The following C1QTNF6 variants were observed in gnomAD, a reference collection of about 807,000 sequenced individuals.
C1QTNF6 encodes C1q and TNF related 6.
In C1QTNF6, 17 loss-of-function variants were observed where a neutral mutation model predicts 20.7. The ratio of observed to expected loss-of-function variants is 0.82; its 90% CI spans 0.56 to 1.23. C1QTNF6 has a LOEUF of 1.23. Among genes scored for constraint, C1QTNF6 ranks in the 50% most tolerant of loss-of-function variants. C1QTNF6 has a pLI of 0.00. For missense variants in C1QTNF6, 329 were observed against 389.7 expected, an observed-to-expected ratio of 0.84 and a Z score of 1.31; for synonymous variants, 130 against 156.3, an observed-to-expected ratio of 0.83 and a Z score of 1.25.
Position 37,182,251 on chromosome 22 carries a change from G to A in C1QTNF6, c.774C>T (p.Tyr258=), listed in dbSNP as rs191566682. 8.1e-6 allele frequency: 13 copies of A among 1,614,192 alleles called. No individual in the cohort carries two copies. The African/African-American group carries it at 1.5e-4, about 18-fold the overall frequency. ...LFKRQRENAI[Y]SNDFDTYITF... ...TGATGTAGGTGTCGAAGTCGTTGCTGTAGATGGCGTTCTCGCGCTGGCGCT... is the reference window on the plus strand; with the variant it reads ...TGATGTAGGTGTCGAAGTCGTTGCTATAGATGGCGTTCTCGCGCTGGCGCT... Residue 258 remains tyrosine, a synonymous_variant, in exon 3 of 3, where the codon TAC becomes TAT. Transcript: ENST00000337843.
upstream of C1QTNF6, among the ~76,000 whole-genome samples, chr22:37,192,446 C>T (rs539611984): frequency 5.4e-5 from 8 of 148,156 alleles, no homozygotes; most frequent in African/African-American, 1.5e-4. Flanking sequence ...ATGGCTAACT[C>T]GACAAGTCCC....
chr22:37,182,564 A>C lies in C1QTNF6; in HGVS notation c.461T>G (p.Leu154Arg). 2 of 1,614,166 alleles carry C rather than the reference A, an allele frequency of 1.2e-6. No individual in the cohort carries two copies. The highest frequency in any genetic ancestry group is 1.7e-6 in the Non-Finnish European group (2 of 1,180,042). Residue 154 changes from leucine to arginine, a missense_variant, in exon 3 of 3, where the codon CTG becomes CGG. Transcript: ENST00000337843. ...CGTCTGGAAGTCCTCGCCGCTGTGC[A>C]GGGCCGTCTTGCGGCCCACTGAGAA... ...FAFSVGRKTA[L>R]HSGEDFQTLL...
Position 37,180,961 on chromosome 22 carries a change from C to T in C1QTNF6, c.*1227G>A, listed in dbSNP as rs1923713114. ...CTCCTGGGTCCTCTCCTCACAGAACCCTTGACCTGGCCAAGGCCCCCTGGG... is the reference window on the plus strand; with the variant it reads ...CTCCTGGGTCCTCTCCTCACAGAACTCTTGACCTGGCCAAGGCCCCCTGGG... On this transcript the variant is annotated 3_prime_UTR_variant, in exon 3 of 3. Coordinates refer to ENST00000337843, the MANE Select transcript of C1QTNF6 (RefSeq NM_031910.4). 6.6e-6 allele frequency: 1 copy of T among 152,476 alleles called. No individual in the cohort carries two copies. The highest frequency in any genetic ancestry group is 2.4e-5 in the African/African-American group (1 of 41,462). The allele number at this position is 152,476 out of a possible 1,614,324, so 9.4% of individuals were successfully genotyped here.
intron 1 of C1QTNF6, chr22:37,196,832 T>A (rs1925165815): frequency 1.3e-5 from 2 of 152,208 alleles, no homozygotes; most frequent in South Asian, 4.1e-4. Flanking sequence ...CTGGGCCAAG[T>A]GTGGAGGATG....
At chr22:37,183,578 C>T (rs1442021812) in intron 2 of C1QTNF6, among the ~76,000 whole-genome samples, 1 of 152,272 alleles carries the variant, frequency 6.6e-6, no homozygotes, top group Non-Finnish European at 1.5e-5. Context: ...CCACCTGTCA[C>T]AGTGCCTGGA....
chr22:37,195,167 C>T (rs970377548), intron 2 of C1QTNF6, among the ~76,000 whole-genome samples: 2 of 152,198 alleles, frequency 1.3e-5, no homozygotes, highest in African/African-American at 4.8e-5. Flanking sequence ...GGTTAATATC[C>T]CATAGTGCCT....
At chr22:37,185,691 C>T (rs1601630182) in intron 1 of C1QTNF6, 1 of 1,219,870 alleles carries the variant, frequency 8.2e-7, no homozygotes, top group East Asian at 3.8e-5. Flanking sequence ...TCTCCGGGCA[C>T]CCAGTCCATG....
At chr22:37,186,062 TAA>T (rs753896093) in intron 1 of C1QTNF6, 8 of 985,246 alleles carry the variant, frequency 8.1e-6, no homozygotes, top group Middle Eastern at 1.0e-3. Context: ...AAAAAAGAGA[TAA>T]GAGAGTTCAT....
chr22:37,193,847 G>A (rs562634065), intron 2 of C1QTNF6, among the ~76,000 whole-genome samples: 8 of 152,164 alleles, frequency 5.3e-5, no homozygotes, highest in Non-Finnish European at 7.4e-5. Flanking sequence ...AAATGGCAAA[G>A]GTCACATAGA....
chr22:37,193,295 C>A (rs1924926301), intron 2 of C1QTNF6, among the ~76,000 whole-genome samples: 1 of 152,212 alleles, frequency 6.6e-6, no homozygotes, highest in Admixed American at 6.5e-5. Context: ...TGAGAGTGGT[C>A]TATCTGCTTT....
chr22:37,193,829 A>G (rs229536), intron 2 of C1QTNF6, among the ~76,000 whole-genome samples: 75,634 of 152,014 alleles, frequency 0.5, 19,555 homozygotes, highest in East Asian at 0.69. Context: ...ATGGAGAAGA[A>G]AATGAATAAA....
rs1923821265 is a variant in C1QTNF6 at position 37,182,170 on chromosome 22, A to T, written c.*18T>A. 6.3e-7 allele frequency: 1 copy of T among 1,594,846 alleles called. No individual in the cohort carries two copies. Among genetic ancestry groups the T allele is most frequent in the Admixed American group, 1.7e-5 (1 of 58,990 alleles). On this transcript the variant is annotated 3_prime_UTR_variant, in exon 3 of 3. Coordinates refer to ENST00000337843, the MANE Select transcript of C1QTNF6 (RefSeq NM_031910.4). ...CCAGCACCTGAGCTCTCCAGCCGGGAGGGTGGCCCAGAGGCCCTCAGTCGT... is the reference window on the plus strand; with the variant it reads ...CCAGCACCTGAGCTCTCCAGCCGGGTGGGTGGCCCAGAGGCCCTCAGTCGT...
At position 37,184,455 on chromosome 22, in the gene C1QTNF6, A is replaced by G; in HGVS notation, c.289+763T>C. The G allele has an allele frequency of 1.4e-6, 1 of 716,618 alleles. No homozygotes were observed. Among genetic ancestry groups the G allele is most frequent in the Middle Eastern group, 2.4e-4 (1 of 4,126 alleles). The allele number at this position is 716,618 out of a possible 1,614,324, so 44.4% of individuals were successfully genotyped here. A position where few individuals can be genotyped will look rare whatever the true frequency, so the allele number is the denominator to read the frequency against. On this transcript the variant is annotated intron_variant, in intron 2 of 2. Transcript: ENST00000337843. The surrounding 1 kb of genome is among the most constrained non-coding windows in gnomAD (Gnocchi z 4.0). ...TCCACGTCCTATTGAGAGAGCGGGT[A>G]GCCAGCCCGCACCTGGACGGCCCTC...
intron 1 of C1QTNF6, chr22:37,185,957 T>G (rs1211731385): frequency 3.0e-6 from 3 of 985,684 alleles, no homozygotes; most frequent in Non-Finnish European, 2.4e-6. Context: ...TAGTGAACAC[T>G]GGGGACAAAC....
intron 2 of C1QTNF6, among the ~76,000 whole-genome samples, chr22:37,194,756 C>T (rs968869693): frequency 6.6e-6 from 1 of 152,220 alleles, no homozygotes; most frequent in Non-Finnish European, 1.5e-5. Context: ...CCCGATGGCC[C>T]TTGTCATCTT....
chr22:37,182,801 C>CAGAGG, intron 2 of C1QTNF6, 66 bp from the exon 3 acceptor site: 6 of 1,489,312 alleles, frequency 4.0e-6, no homozygotes, highest in Non-Finnish European at 5.4e-6. Context: ...GGTGCCCACA[C>CAGAGG]TCATCTGTGA....
chr22:37,186,975 GGAGGCCACGGAGAGAGGATCACTC>G (rs1313706557), intron 1 of C1QTNF6, among the ~76,000 whole-genome samples: 5 of 152,120 alleles, frequency 3.3e-5, no homozygotes, highest in African/African-American at 1.2e-4. Flanking sequence ...CAGCACTTTG[GGAGGCCACGGAGAGAGGATCACTC>G]GAGTCCCGGA....
intron 2 of C1QTNF6, chr22:37,195,272 T>A (rs1383173520): frequency 6.6e-6 from 1 of 152,270 alleles, no homozygotes; most frequent in African/African-American, 2.4e-5. Flanking sequence ...ACCCAATTTC[T>A]GATAAGCATC....
chr22:37,194,643 G>A (rs1925032123), intron 2 of C1QTNF6, among the ~76,000 whole-genome samples: 1 of 152,184 alleles, frequency 6.6e-6, no homozygotes, highest in African/African-American at 2.4e-5. Context: ...GTAAGATGCT[G>A]TCCAACAGGC....
Sources: gnomAD v4.1 joint callset for allele counts (sites outside exome capture counted in the v4.1 genomes callset) on GRCh38, gnomAD v4.1.1 for gene constraint, Gnocchi (gnomAD v3.1) non-coding constraint, MANE v1.5 for transcripts, NCBI Gene and HGNC (gene_info 2026-07-23, HGNC 2026-07-21) for gene names.